Variants in SUGP2 observed in about 807,000 individuals in gnomAD.
SUGP2 encodes SURP and G-patch domain-containing protein 2.
In SUGP2, 24 loss-of-function variants were observed where a neutral mutation model predicts 90.5. That is an observed-to-expected ratio of 0.27 (90% confidence interval 0.19 to 0.37). The LOEUF (loss-of-function observed/expected upper bound fraction) is 0.37. SUGP2 is among the 10% of genes least tolerant of loss of function. The probability of loss-of-function intolerance (pLI) is 1.00; values close to 1 mark genes in which losing one functional copy is unlikely to be tolerated. For missense variants in SUGP2, 1,233 were observed against 1,363.3 expected (o/e 0.90, Z 1.51); for synonymous variants, 473 against 513.4 (o/e 0.92, Z 1.06).
chr19:18,999,848 TA>T (rs753449342), intron 8 of SUGP2, among the ~76,000 whole-genome samples: 3 of 152,126 alleles, frequency 2.0e-5, no homozygotes, highest in Non-Finnish European at 4.4e-5. Context: ...CCCCTTTCCA[TA>T]ACCTGGCTCC....
chr19:19,004,182 A>G lies in SUGP2; in HGVS notation c.2915T>C (p.Ile972Thr). 6.4e-7 allele frequency: 1 copy of G among 1,560,104 alleles called. No individual in the cohort carries two copies. The highest frequency in any genetic ancestry group is 8.7e-7 in the Non-Finnish European group (1 of 1,150,644). ...CGGGCACTCACCTTTTGGCTCCTGGATGAGACACACTCTCTTGGGAGCTGG... is the reference window on the plus strand; with the variant it reads ...CGGGCACTCACCTTTTGGCTCCTGGGTGAGACACACTCTCTTGGGAGCTGG... ...MIPAPKRVCLIQEPKVHEPVR... is the reference protein window; with the variant it reads ...MIPAPKRVCLTQEPKVHEPVR... The change falls in exon 7 of 11, where the codon ATC becomes ACC. Residue 972 changes from isoleucine to threonine, a missense_variant. By Grantham distance (89) the Ile-to-Thr change is moderately conservative. This residue lies in a region of SUGP2 where 105 missense variants were observed against 155.2 expected (regional missense o/e 0.68). Coordinates refer to ENST00000452918, the MANE Select transcript of SUGP2 (RefSeq NM_001017392.5).
chr19:19,033,470 G>T lies in SUGP2; in HGVS notation c.-45C>A. The T allele has an allele frequency of 7.1e-7, 1 of 1,401,660 alleles. No individual in the cohort carries two copies. The highest frequency in any genetic ancestry group is 9.3e-7 in the Non-Finnish European group (1 of 1,077,342). 86.8% of individuals were successfully genotyped at this position (1,401,660 alleles called of 1,614,324 possible). On this transcript the variant is annotated 5_prime_UTR_variant, in exon 1 of 11. Coordinates refer to ENST00000452918, the MANE Select transcript of SUGP2 (RefSeq NM_001017392.5). Reference sequence around the variant, plus strand: ...CACCGCGCGCGGAGCCACCCCCGCCGCCGCCTCAGGCTCCTCACCCGCCGC... The same window carrying T: ...CACCGCGCGCGGAGCCACCCCCGCCTCCGCCTCAGGCTCCTCACCCGCCGC...
intron 3 of SUGP2, among the ~76,000 whole-genome samples, chr19:19,021,159 C>CA (rs386388689): frequency 0.11 from 7,362 of 66,964 alleles, 987 homozygotes; most frequent in African/African-American, 0.23. Context: ...AATTCCATCT[C>CA]AAAAAAAAAA....
Position 19,010,138 on chromosome 19 carries a change from A to G in SUGP2, c.2055T>C (p.Ala685=). Residue 685 remains alanine, a synonymous_variant, in exon 5 of 11, where the codon GCT becomes GCC. Transcript: ENST00000452918. ...TCGCCTTCCAGCCCCGGAGCCCTTG[A>G]GCACGGAGGAGCCCCCGCCGCTGCC... ...LPWQRRGLLR[A]QGLRGWKARR... is the part of the protein sequence containing the mutation. The G allele has an allele frequency of 1.2e-6, 2 of 1,611,606 alleles. No individual in the cohort carries two copies. Among genetic ancestry groups the G allele is most frequent in the Non-Finnish European group, 8.5e-7 (1 of 1,179,672 alleles).
chr19:19,019,810 C>A (rs1599526920), intron 3 of SUGP2, among the ~76,000 whole-genome samples: 8 of 114,646 alleles, frequency 7.0e-5, no homozygotes, highest in South Asian at 2.8e-4. Context: ...ATATATGTAT[C>A]AATTCACAAA....
intron 4 of SUGP2, among the ~76,000 whole-genome samples, chr19:19,011,644 T>A (rs1425268880): frequency 1.3e-5 from 2 of 152,226 alleles, no homozygotes; most frequent in African/African-American, 4.8e-5. Context: ...TGTATTGGCA[T>A]AATGTGGCCC....
chr19:19,009,103 G>C (rs1484512054), intron 5 of SUGP2, among the ~76,000 whole-genome samples: 1 of 151,862 alleles, frequency 6.6e-6, no homozygotes, highest in Non-Finnish European at 1.5e-5. Flanking sequence ...AGTAGAGATC[G>C]GGTTTCACCA....
chr19:19,016,040 C>T (rs1156913290), intron 4 of SUGP2, among the ~76,000 whole-genome samples: 3 of 152,176 alleles, frequency 2.0e-5, no homozygotes, highest in Admixed American at 6.5e-5. Context: ...TTATAGACTA[C>T]ACCTCCTCTT....
At chr19:19,021,391 C>T (rs1599538349) in intron 3 of SUGP2, among the ~76,000 whole-genome samples, 1 of 152,050 alleles carries the variant, frequency 6.6e-6, no homozygotes, top group South Asian at 2.1e-4. Flanking sequence ...AGTATGTCCC[C>T]TATGAAACTG....
At chr19:19,019,956 G>A (rs1599528358) in intron 3 of SUGP2, among the ~76,000 whole-genome samples, 2 of 128,102 alleles carry the variant, frequency 1.6e-5, no homozygotes, top group East Asian at 4.6e-4. Context: ...AGACCACACT[G>A]GGCAACATGG....
intron 3 of SUGP2, among the ~76,000 whole-genome samples, chr19:19,020,735 G>A (rs993121256): frequency 6.6e-6 from 1 of 151,894 alleles, no homozygotes; most frequent in Non-Finnish European, 1.5e-5. Context: ...ACCATGCCCT[G>A]CCCAAAATAT....
intron 6 of SUGP2, among the ~76,000 whole-genome samples, chr19:19,006,755 A>C (rs1376018916): frequency 6.6e-6 from 1 of 152,166 alleles, no homozygotes; most frequent in Non-Finnish European, 1.5e-5. Context: ...TGCCTGTAAA[A>C]GGCAAAACCT....
At chr19:19,007,868 T>C (rs1312416428) in intron 6 of SUGP2, among the ~76,000 whole-genome samples, 1 of 150,372 alleles carries the variant, frequency 6.7e-6, no homozygotes, top group Admixed American at 6.7e-5. Flanking sequence ...TAAGCGATTC[T>C]CATGCCTCAG....
At chr19:19,024,511 T>A in intron 3 of SUGP2, 108 bp downstream of exon 3, 1 of 1,297,526 alleles carries the variant, frequency 7.7e-7, no homozygotes, top group Non-Finnish European at 1.1e-6. Context: ...AAAATCCTGA[T>A]ATGTTTCCAA....
intron 4 of SUGP2, among the ~76,000 whole-genome samples, chr19:19,018,405 C>T (rs1037150815): frequency 1.5e-4 from 22 of 151,208 alleles, no homozygotes; most frequent in Admixed American, 1.1e-3. Context: ...ATAAGTTGTT[C>T]GGCCGGGCGC....
intron 1 of SUGP2, chr19:19,032,927 C>T (rs1293236227): frequency 4.9e-5 from 7 of 142,094 alleles, no homozygotes; most frequent in Admixed American, 4.3e-4. Flanking sequence ...CCAGTCCCAT[C>T]CTTCAGCCCT....
intron 6 of SUGP2, among the ~76,000 whole-genome samples, chr19:19,005,868 CA>C (rs1336481017): frequency 1.4e-3 from 23 of 16,978 alleles, no homozygotes; most frequent in East Asian, 6.9e-3. Flanking sequence ...CACACACACA[CA>C]CACACACACA....
chr19:18,993,417 T>C lies in SUGP2; in HGVS notation c.*324A>G, dbSNP rs2057444245. ...CTGGAAAATCAGCCAGAGGAGCTGG[T>C]TCCTCAGCACTCACAGGCTGAGGTG... On this transcript the variant is annotated 3_prime_UTR_variant, in exon 11 of 11. Transcript: ENST00000452918. The C allele has an allele frequency of 1.3e-5, 2 of 152,228 alleles. No individual in the cohort carries two copies. The highest frequency in any genetic ancestry group is 4.1e-4 in the South Asian group (2 of 4,828). The allele number at this position is 152,228 out of a possible 1,614,324, so 9.4% of individuals were successfully genotyped here.
At chr19:19,022,902 A>G (rs1402538785) in intron 3 of SUGP2, among the ~76,000 whole-genome samples, 3 of 152,154 alleles carry the variant, frequency 2.0e-5, no homozygotes. Context: ...GGGCAATGGA[A>G]GGTGAAAACC....
Sources: gnomAD v4.1 joint callset for allele counts (sites outside exome capture counted in the v4.1 genomes callset) on GRCh38, gnomAD v4.1.1 for gene constraint, gnomAD v4.1.1 regional missense constraint, MANE v1.5 for transcripts, NCBI Gene and HGNC (gene_info 2026-07-23, HGNC 2026-07-21) for gene names.